The following PLCB4 variants were observed in gnomAD, a reference collection of about 807,000 sequenced individuals.
PLCB4 encodes phospholipase C beta 4, also known as 1-phosphatidylinositol 4,5-bisphosphate phosphodiesterase beta-4.
PLCB4 carries 77 observed loss-of-function variants against 178.8 expected under a neutral mutation model. The ratio of observed to expected loss-of-function variants is 0.43; its 90% CI spans 0.36 to 0.52. The LOEUF is 0.52. PLCB4 is among the 20% of genes least tolerant of loss of function. The pLI, the probability that PLCB4 is intolerant of heterozygous loss-of-function variation, is 0.00. For missense variants in PLCB4, 1,024 were observed against 1,453.4 expected (o/e 0.70, Z 4.80); for synonymous variants, 496 against 490.8 (o/e 1.01, Z -0.14).
chr20:9,206,429 C>A (rs371178592), intron 2 of PLCB4, among the ~76,000 whole-genome samples: 13 of 151,290 alleles, frequency 8.6e-5, no homozygotes, highest in African/African-American at 3.2e-4. Flanking sequence ...TGGCATTCAG[C>A]ACACTGGTTT....
At chr20:9,337,781 A>G (rs2032660796) in intron 5 of PLCB4, among the ~76,000 whole-genome samples, 1 of 152,178 alleles carries the variant, frequency 6.6e-6, no homozygotes, top group African/African-American at 2.4e-5. Context: ...CATTGCACAT[A>G]TATATGTCTA....
chr20:9,163,570 A>G (rs891399062), intron 2 of PLCB4, among the ~76,000 whole-genome samples: 1 of 151,180 alleles, frequency 6.6e-6, no homozygotes, highest in Non-Finnish European at 1.5e-5. Flanking sequence ...ATTTATGTTT[A>G]TATTCTGTTT....
At chr20:9,097,980 T>C (rs1221268666) in intron 2 of PLCB4, among the ~76,000 whole-genome samples, 2 of 152,172 alleles carry the variant, frequency 1.3e-5, no homozygotes, top group Non-Finnish European at 1.5e-5. Context: ...AAATAAACCC[T>C]ATGAGAGTAT....
chr20:9,188,572 C>T (rs6056459), intron 2 of PLCB4, among the ~76,000 whole-genome samples: 528 of 28,800 alleles, frequency 0.018, no homozygotes, highest in Middle Eastern at 0.045. Context: ...GGCTGTCATA[C>T]AGTGACATTC....
At chr20:9,477,121 T>C (rs1294803261) in intron 39 of PLCB4, among the ~76,000 whole-genome samples, 3 of 152,138 alleles carry the variant, frequency 2.0e-5, no homozygotes, top group African/African-American at 7.2e-5. Context: ...CCAATTAATT[T>C]TTAAAGCGCT....
At position 9,401,576 on chromosome 20, in the gene PLCB4, A is replaced by C; in HGVS notation, c.1597A>C (p.Asn533His). The C allele has an allele frequency of 6.2e-7, 1 of 1,611,642 alleles. No homozygotes were observed. Among genetic ancestry groups the C allele is most frequent in the African/African-American group, 1.3e-5 (1 of 74,986 alleles). The change falls in exon 20 of 40, where the codon AAT becomes CAT. Residue 533 changes from asparagine to histidine, a missense_variant. Asn to His is a moderately conservative substitution (Grantham distance 68). Around this residue, in one of 7 missense-constraint regions of PLCB4, gnomAD observed 263 missense variants for 417.4 expected, o/e 0.63. Coordinates refer to ENST00000378473, the MANE Select transcript of PLCB4 (RefSeq NM_001377142.1). ...DDLGHKEAVA[N>H]SVKKASDDLE... Reference sequence around the variant, plus strand: ...CTTGGGTCACAAGGAAGCTGTTGCAAATAGCGTCAAGAAGGTCAGAGTCCC... The same window carrying C: ...CTTGGGTCACAAGGAAGCTGTTGCACATAGCGTCAAGAAGGTCAGAGTCCC...
chr20:9,123,420 CTTT>C (rs11087837), intron 2 of PLCB4, among the ~76,000 whole-genome samples: 1 of 144,366 alleles, frequency 6.9e-6, no homozygotes, highest in Non-Finnish European at 1.5e-5. Flanking sequence ...GAAATCTCCT[CTTT>C]TTTTTTTTTT....
At chr20:9,325,227 A>T (rs2030284035) in intron 4 of PLCB4, among the ~76,000 whole-genome samples, 1 of 152,144 alleles carries the variant, frequency 6.6e-6, no homozygotes, top group African/African-American at 2.4e-5. Flanking sequence ...CAGCCACATA[A>T]TGTGTTTTTA....
intron 2 of PLCB4, among the ~76,000 whole-genome samples, chr20:9,184,380 A>G (rs75974619): frequency 6.6e-6 from 1 of 152,134 alleles, no homozygotes; most frequent in African/African-American, 2.4e-5. Flanking sequence ...TTACCTTCAT[A>G]AGCACTTTCT....
At chr20:9,453,254 G>T in intron 32 of PLCB4, 93 bp from the exon 33 acceptor site, 1 of 707,690 alleles carries the variant, frequency 1.4e-6, no homozygotes, top group South Asian at 1.8e-5. Context: ...TCTAAATGAA[G>T]ACTCTAGGGA....
chr20:9,295,420 A>G (rs1156828891), intron 3 of PLCB4, among the ~76,000 whole-genome samples: 1 of 152,144 alleles, frequency 6.6e-6, no homozygotes, highest in Non-Finnish European at 1.5e-5. Context: ...CAAATATCCC[A>G]GGGTGCTCTA....
At chr20:9,089,216 A>T (rs1338606133) in intron 1 of PLCB4, among the ~76,000 whole-genome samples, 1 of 152,098 alleles carries the variant, frequency 6.6e-6, no homozygotes, top group East Asian at 1.9e-4. Context: ...AAGTTACTTT[A>T]AAGTTATAAA....
intron 32 of PLCB4, among the ~76,000 whole-genome samples, chr20:9,445,109 C>T (rs760476501): frequency 2.0e-5 from 3 of 152,154 alleles, no homozygotes; most frequent in Non-Finnish European, 4.4e-5. Flanking sequence ...GAGGTGGCCC[C>T]AGGAATTCTC....
chr20:9,314,400 T>G (rs976574602), intron 4 of PLCB4, among the ~76,000 whole-genome samples: 6 of 152,050 alleles, frequency 3.9e-5, no homozygotes, highest in Non-Finnish European at 8.8e-5. Context: ...CGGGAGGATT[T>G]TGAGTGTAGG....
intron 38 of PLCB4, among the ~76,000 whole-genome samples, chr20:9,473,659 A>G (rs1032419175): frequency 1.3e-5 from 2 of 152,236 alleles, no homozygotes; most frequent in Non-Finnish European, 2.9e-5. Context: ...AAAAGAGATT[A>G]CGAAGTATTT....
chr20:9,312,084 G>GCATT (rs1388045716), intron 4 of PLCB4, among the ~76,000 whole-genome samples: 1 of 152,048 alleles, frequency 6.6e-6, no homozygotes, highest in Non-Finnish European at 1.5e-5. Flanking sequence ...ACACTAAGAA[G>GCATT]CATTCTCAGT....
At chr20:9,316,648 A>C (rs1395279398) in intron 4 of PLCB4, among the ~76,000 whole-genome samples, 1 of 152,092 alleles carries the variant, frequency 6.6e-6, no homozygotes, top group African/African-American at 2.4e-5. Context: ...GGATTCTACG[A>C]GTCTGCACAC....
At chr20:9,337,779 A>G (rs2032660320) in intron 5 of PLCB4, among the ~76,000 whole-genome samples, 1 of 152,200 alleles carries the variant, frequency 6.6e-6, no homozygotes, top group South Asian at 2.1e-4. Flanking sequence ...AGCATTGCAC[A>G]TATATATGTC....
intron 2 of PLCB4, among the ~76,000 whole-genome samples, chr20:9,118,305 A>T (rs2091850355): frequency 7.3e-5 from 1 of 13,658 alleles, no homozygotes; most frequent in African/African-American, 3.3e-4. Flanking sequence ...GTATAATAAT[A>T]AAAAAAAAAC....
Sources: gnomAD v4.1 joint callset for allele counts (sites outside exome capture counted in the v4.1 genomes callset) on GRCh38, gnomAD v4.1.1 for gene constraint, gnomAD v4.1.1 regional missense constraint, MANE v1.5 for transcripts, NCBI Gene and HGNC (gene_info 2026-07-23, HGNC 2026-07-21) for gene names.